The following PGM1 variants were observed in gnomAD, a reference collection of about 807,000 sequenced individuals.
PGM1 encodes phosphoglucomutase-1.
PGM1 carries 52 observed loss-of-function variants against 55.6 expected under a neutral mutation model. The observed-to-expected ratio is 0.94, with a 90% CI of 0.75 to 1.18. The LOEUF (loss-of-function observed/expected upper bound fraction) is 1.18. Ranked by LOEUF, PGM1 falls within the 50% of genes most tolerant of loss-of-function variation. The pLI is 0.00. For synonymous variants in PGM1, 287 were observed against 271.7 expected (o/e 1.06, Z -0.55); for missense variants, 724 against 729.3 (o/e 0.99, Z 0.08).
chr1:63,659,222 C>G (rs1650047580), intron 10 of PGM1, among the ~76,000 whole-genome samples: 1 of 152,132 alleles, frequency 6.6e-6, no homozygotes, highest in African/African-American at 2.4e-5. Flanking sequence ...AGGTAAGAGA[C>G]AGGACATTGA....
At chr1:63,648,754 CT>C in intron 8 of PGM1, 102 bp downstream of exon 8, 1 of 1,264,764 alleles carries the variant, frequency 7.9e-7, no homozygotes, top group Non-Finnish European at 1.1e-6. Flanking sequence ...TAATAAAACC[CT>C]AGGTCATCCA....
At chr1:63,655,310 A>C (rs1426882829) in intron 10 of PGM1, among the ~76,000 whole-genome samples, 1 of 151,998 alleles carries the variant, frequency 6.6e-6, no homozygotes, top group Non-Finnish European at 1.5e-5. Context: ...TCAGCCCCTC[A>C]TCTGGTGTTC....
At position 63,654,362 on chromosome 1, in the gene PGM1, C is replaced by T. The variant is rs745993071; in HGVS notation, c.1495C>T (p.Arg499Ter). 4.3e-6 allele frequency: 7 copies of T among 1,613,900 alleles called. No individual in the cohort carries two copies. Among genetic ancestry groups the T allele is most frequent in the African/African-American group, 1.3e-5 (1 of 74,936 alleles). Reference protein sequence around the residue: ...GLRLIFTDGSRIVFRLSGTGS... With the variant: ...GLRLIFTDGS ...GCGCCTCATTTTCACAGATGGTTCTCGAATCGTCTTCCGACTGAGCGGCAC... is the reference window on the plus strand; with the variant it reads ...GCGCCTCATTTTCACAGATGGTTCTTGAATCGTCTTCCGACTGAGCGGCAC... The change falls in exon 10 of 11, where the codon CGA becomes TGA. Residue 499 changes from arginine (R) to a stop codon, truncating the protein, a stop_gained. Coordinates refer to ENST00000371084, the MANE Select transcript of PGM1 (RefSeq NM_002633.3). LOFTEE classifies it high-confidence loss of function.
At chr1:63,631,548 G>A (rs1039487961) in intron 3 of PGM1, 109 bp from the exon 4 acceptor site, 1 of 995,666 alleles carries the variant, frequency 1.0e-6, no homozygotes, top group Non-Finnish European at 1.6e-6. Context: ...TTCAATAATT[G>A]TCCTTTTAAA....
intron 2 of PGM1, 33 bp from the exon 3 acceptor site, chr1:63,629,909 G>A (rs374517645): frequency 8.6e-5 from 138 of 1,613,366 alleles, no homozygotes; most frequent in African/African-American, 4.0e-4. Context: ...TGAGCTGCAC[G>A]AAGTAACCCA....
chr1:63,658,737 A>T (rs1193834204), intron 10 of PGM1, among the ~76,000 whole-genome samples: 1 of 147,866 alleles, frequency 6.8e-6, no homozygotes, highest in Non-Finnish European at 1.5e-5. Context: ...GGGCAACAAG[A>T]GTGAAACTCC....
At chr1:63,647,306 A>G (rs1360298175) in intron 7 of PGM1, among the ~76,000 whole-genome samples, 2 of 134,684 alleles carry the variant, frequency 1.5e-5, no homozygotes, top group Admixed American at 7.6e-5. Context: ...ATATATATAT[A>G]TAGTATTAAA....
At position 63,602,393 on chromosome 1, in the gene PGM1, A is replaced by G. The variant is rs140318035; in HGVS notation, c.246+8659A>G. ...TTTTAAACTGCCATTAAGGGCATGC[A>G]GGGAAGGTGAAATTTTGTTTTAATA... On this transcript the variant is annotated intron_variant, in intron 1 of 10. Coordinates refer to ENST00000371084, the MANE Select transcript of PGM1 (RefSeq NM_002633.3). 1.8e-3 allele frequency among the ~76,000 whole-genome samples: 268 copies of G among 152,364 alleles called. 1 individual carries two copies. The highest frequency in any genetic ancestry group is 6.3e-3 in the African/African-American group (262 of 41,586).
intron 1 of PGM1, chr1:63,623,239 T>C: frequency 1.4e-6 from 2 of 1,385,648 alleles, no homozygotes; most frequent in Non-Finnish European, 1.9e-6. Context: ...AGACCTGCTT[T>C]GTGTGTGGGT....
At position 63,634,972 on chromosome 1, in the gene PGM1, A is replaced by G. The variant is rs147596060; in HGVS notation, c.826A>G (p.Met276Val). 6 of 1,613,906 alleles carry G rather than the reference A, an allele frequency of 3.7e-6. No individual in the cohort carries two copies. The African/African-American group carries it at 6.7e-5, about 18-fold the overall frequency. The change falls in exon 5 of 11, where the codon ATG becomes GTG. Residue 276 changes from methionine (M) to valine (V), a missense_variant. By Grantham distance (21) the Met-to-Val change is conservative. Transcript: ENST00000371084. ...LTYAADLVET[M>V]KSGEHDFGAA... ...CTATGCAGCTGACCTGGTGGAGACC[A>G]TGAAGTCAGGAGAGCATGATTTTGG...
At position 63,638,820 on chromosome 1, in the gene PGM1, T is replaced by TA. The variant is rs1649433945; in HGVS notation, c.1144+21dup. ...GGACCGGTAAGTCACACTCCTGTGCTAGCATTTTCCTCCCTGTAACCACTA... is the reference window on the plus strand; with the variant it reads ...GGACCGGTAAGTCACACTCCTGTGCTAAGCATTTTCCTCCCTGTAACCACTA... On this transcript the variant is annotated intron_variant, in intron 7 of 10. Coordinates refer to ENST00000371084, the MANE Select transcript of PGM1 (RefSeq NM_002633.3). The TA allele has an allele frequency of 6.5e-7, 1 of 1,530,104 alleles. No homozygotes were observed. The highest frequency in any genetic ancestry group is 1.4e-5 in the African/African-American group (1 of 73,406). The allele number at this position is 1,530,104 out of a possible 1,614,324, so 94.8% of individuals were successfully genotyped here.
chr1:63,630,703 T>C (rs1363835670), intron 3 of PGM1, among the ~76,000 whole-genome samples: 3 of 152,254 alleles, frequency 2.0e-5, no homozygotes, highest in Non-Finnish European at 4.4e-5. Flanking sequence ...TGTTGTTGAA[T>C]TATTGTAATA....
At chr1:63,635,470 A>G (rs1026153117) in intron 5 of PGM1, among the ~76,000 whole-genome samples, 2 of 152,210 alleles carry the variant, frequency 1.3e-5, no homozygotes, top group African/African-American at 4.8e-5. Context: ...ATATTGAGAG[A>G]ATTAACATTT....
intron 7 of PGM1, among the ~76,000 whole-genome samples, chr1:63,647,157 C>T (rs1490312743): frequency 1.3e-5 from 2 of 151,138 alleles, no homozygotes; most frequent in Admixed American, 6.6e-5. Flanking sequence ...ACAGGAGAAT[C>T]GCTTGAGCCT....
intron 1 of PGM1, among the ~76,000 whole-genome samples, chr1:63,613,253 G>A (rs1648615404): frequency 9.0e-6 from 1 of 110,606 alleles, no homozygotes; most frequent in Non-Finnish European, 1.7e-5. Flanking sequence ...AAAGGAGTTG[G>A]CTTATCTTTT....
At chr1:63,628,866 T>A (rs1649109613) in intron 1 of PGM1, among the ~76,000 whole-genome samples, 1 of 152,142 alleles carries the variant, frequency 6.6e-6, no homozygotes, top group African/African-American at 2.4e-5. Flanking sequence ...AGTAGGTGTG[T>A]CTTGCTTTGA....
intron 1 of PGM1, among the ~76,000 whole-genome samples, 169 bp from the exon 2 acceptor site, chr1:63,629,256 A>G (rs1312983502): frequency 6.6e-6 from 1 of 152,210 alleles, no homozygotes; most frequent in Non-Finnish European, 1.5e-5. Context: ...TTTCAGTAAT[A>G]TGGTGGAGAC....
chr1:63,629,345 C>G, intron 1 of PGM1, 80 bp from the exon 2 acceptor site: 1 of 1,170,580 alleles, frequency 8.5e-7, no homozygotes, highest in South Asian at 1.2e-5. Flanking sequence ...GTCCATCTGC[C>G]TGTTGTCTTG....
chr1:63,623,824 A>T (rs1648952187), intron 1 of PGM1: 3 of 1,139,722 alleles, frequency 2.6e-6, no homozygotes, highest in Non-Finnish European at 3.8e-6. Flanking sequence ...TTACAGAAGT[A>T]TACAAACGTA....
Sources: gnomAD v4.1 joint callset for allele counts (sites outside exome capture counted in the v4.1 genomes callset) on GRCh38, gnomAD v4.1.1 for gene constraint, MANE v1.5 for transcripts, NCBI Gene and HGNC (gene_info 2026-07-23, HGNC 2026-07-21) for gene names.